PHACTR3: variants seen among roughly 807,000 people sequenced by gnomAD.
PHACTR3 encodes the protein phosphatase and actin regulator 3.
Under a neutral mutation model 66.8 loss-of-function variants are expected in PHACTR3, and 16 were observed. The observed-to-expected ratio is 0.24, with a 90% CI of 0.16 to 0.36. The LOEUF is 0.36. Ranked by LOEUF, PHACTR3 falls within the 10% of genes least tolerant of loss-of-function variation. The pLI, the probability that PHACTR3 is intolerant of heterozygous loss-of-function variation, is 1.00. For missense variants in PHACTR3, 647 were observed against 719.9 expected, an observed-to-expected ratio of 0.90 and a Z score of 1.16; for synonymous variants, 323 against 292.1, an observed-to-expected ratio of 1.11 and a Z score of -1.08.
At chr20:59,786,174 T>G (rs537266344) in intron 7 of PHACTR3, among the ~76,000 whole-genome samples, 4 of 152,346 alleles carry the variant, frequency 2.6e-5, no homozygotes, top group African/African-American at 7.2e-5. Context: ...ATTCCCCAGC[T>G]TCTGCGTGTG....
intron 2 of PHACTR3, among the ~76,000 whole-genome samples, chr20:59,744,136 A>C (rs1413243380): frequency 6.6e-6 from 1 of 152,182 alleles, no homozygotes; most frequent in Non-Finnish European, 1.5e-5. Context: ...GGAGGAGCCA[A>C]CTCAACCCTC....
chr20:59,776,430 T>C (rs2040539249), intron 7 of PHACTR3, among the ~76,000 whole-genome samples: 1 of 152,158 alleles, frequency 6.6e-6, no homozygotes, highest in African/African-American at 2.4e-5. Flanking sequence ...AGTGGATTAA[T>C]CCATGTCAGC....
chr20:59,711,782 T>C (rs1336726331), intron 1 of PHACTR3, among the ~76,000 whole-genome samples: 1 of 152,320 alleles, frequency 6.6e-6, no homozygotes, highest in Non-Finnish European at 1.5e-5. Context: ...TGTAGAACCA[T>C]CGTAAGTCAG....
At chr20:59,719,258 C>T (rs1182560956) in intron 1 of PHACTR3, among the ~76,000 whole-genome samples, 1 of 152,130 alleles carries the variant, frequency 6.6e-6, no homozygotes, top group African/African-American at 2.4e-5. Context: ...TTCCACCTCC[C>T]GGGTTCAAGC....
intron 3 of PHACTR3, among the ~76,000 whole-genome samples, chr20:59,751,246 G>A (rs2039569908): frequency 6.6e-6 from 1 of 152,166 alleles, no homozygotes; most frequent in Non-Finnish European, 1.5e-5. Context: ...TTCCACTGCT[G>A]GCAGGGACGA....
chr20:59,703,718 T>C (rs777916310), intron 1 of PHACTR3, among the ~76,000 whole-genome samples: 1 of 152,226 alleles, frequency 6.6e-6, no homozygotes, highest in African/African-American at 2.4e-5. Flanking sequence ...TGTGTGTGTG[T>C]AATTTCATCA....
At chr20:59,824,782 G>A (rs1174283470) in intron 8 of PHACTR3, among the ~76,000 whole-genome samples, 2 of 152,212 alleles carry the variant, frequency 1.3e-5, no homozygotes, top group African/African-American at 4.8e-5. Context: ...CACCAGTGGG[G>A]GGGCGGGGGG....
At chr20:59,845,789 C>T (rs2145539693) in intron 12 of PHACTR3, among the ~76,000 whole-genome samples, 1 of 152,206 alleles carries the variant, frequency 6.6e-6, no homozygotes, top group Non-Finnish European at 1.5e-5. Flanking sequence ...AAGGAGGCTC[C>T]CATCTTCATG....
intron 1 of PHACTR3, chr20:59,628,827 GT>G (rs1478670253): frequency 2.0e-6 from 2 of 984,850 alleles, no homozygotes; most frequent in African/African-American, 1.7e-5. Context: ...GTTAGATCTT[GT>G]TTTTTGTTTG....
chr20:59,723,408 C>T (rs2038422652), intron 1 of PHACTR3, among the ~76,000 whole-genome samples: 1 of 152,014 alleles, frequency 6.6e-6, no homozygotes, highest in Non-Finnish European at 1.5e-5. Flanking sequence ...CACCTAACAC[C>T]GTGTTTTCAA....
intron 1 of PHACTR3, among the ~76,000 whole-genome samples, chr20:59,718,511 G>A (rs1375978523): frequency 1.3e-5 from 2 of 151,752 alleles, no homozygotes; most frequent in Non-Finnish European, 2.9e-5. Flanking sequence ...CCTGGAATTA[G>A]AGGAAAGAGA....
intron 1 of PHACTR3, among the ~76,000 whole-genome samples, chr20:59,683,117 A>G (rs77871244): frequency 0.028 from 4,228 of 152,292 alleles, 78 homozygotes; most frequent in Middle Eastern, 0.054. Flanking sequence ...CTGAGGGAGC[A>G]GATGGGGAAA....
chr20:59,630,921 CA>C (rs1013053908), intron 1 of PHACTR3, among the ~76,000 whole-genome samples: 19 of 152,060 alleles, frequency 1.2e-4, no homozygotes, highest in African/African-American at 4.3e-4. Context: ...GATGGGTAGA[CA>C]GGGGTGGTTG....
chr20:59,637,546 A>G (rs1419631875), intron 1 of PHACTR3, among the ~76,000 whole-genome samples: 2 of 152,178 alleles, frequency 1.3e-5, no homozygotes, highest in African/African-American at 2.4e-5. Flanking sequence ...ATAGAAATTC[A>G]TGTCTATAAT....
chr20:59,744,064 A>G (rs1419445038), intron 2 of PHACTR3, among the ~76,000 whole-genome samples: 1 of 152,186 alleles, frequency 6.6e-6, no homozygotes, highest in African/African-American at 2.4e-5. Context: ...ACAGGCAGTG[A>G]TGACGGGACA....
In PHACTR3 at chr20:59,578,409, G is replaced by C. The variant is rs369565149; in HGVS notation, c.109+792G>C. On this transcript the variant is annotated intron_variant, in intron 1 of 12. Transcript: ENST00000359926. ...GCACTGGCCCTTGGTGAGGATACCG[G>C]GGGCACTTATTACAGATTGTTCCAG... is the stretch of plus-strand genomic sequence containing the variant. Among the ~76,000 whole-genome samples, 53 of 152,326 alleles carry C rather than the reference G, an allele frequency of 3.5e-4. 1 individual carries two copies. In the East Asian group the frequency reaches 7.3e-3, roughly 21 times the overall value.
intron 1 of PHACTR3, among the ~76,000 whole-genome samples, chr20:59,590,566 T>G (rs931815112): frequency 9.2e-5 from 14 of 152,256 alleles, no homozygotes; most frequent in African/African-American, 3.1e-4. Flanking sequence ...TAAAGCCTGG[T>G]GGTTAAGAAG....
At chr20:59,678,371 C>T (rs2036524210) in intron 1 of PHACTR3, among the ~76,000 whole-genome samples, 1 of 152,180 alleles carries the variant, frequency 6.6e-6, no homozygotes, top group Admixed American at 6.5e-5. Context: ...AGCCTGCTCA[C>T]TCCTGCCTCC....
chr20:59,689,193 G>C (rs192391533), intron 1 of PHACTR3, among the ~76,000 whole-genome samples: 1 of 152,208 alleles, frequency 6.6e-6, no homozygotes, highest in African/African-American at 2.4e-5. Flanking sequence ...CAAGGAACAG[G>C]CAGCATCAGC....
Sources: allele counts gnomAD v4.1 joint callset (sites outside exome capture counted in the v4.1 genomes callset), GRCh38; gene constraint gnomAD v4.1.1; transcripts MANE v1.5; gene names NCBI Gene and HGNC (gene_info 2026-07-23, HGNC 2026-07-21).